The following TMEM222 variants were observed in gnomAD, a reference collection of about 807,000 sequenced individuals.
TMEM222 encodes chromosome 1 open reading frame 160.
Under a neutral mutation model 25.1 loss-of-function variants are expected in TMEM222, and 18 were observed. That is an observed-to-expected ratio of 0.72 (90% CI 0.50 to 1.06). The LOEUF is 1.06. Ranked by LOEUF, TMEM222 falls within the 50% of genes least tolerant of loss-of-function variation. TMEM222 has a pLI of 0.00. For missense variants in TMEM222, 296 were observed against 293.7 expected (o/e 1.01, Z -0.06); for synonymous variants, 131 against 117.9 (o/e 1.11, Z -0.72).
At chr1:27,332,689 C>T (rs1249459864) in intron 3 of TMEM222, 25 of 613,762 alleles carry the variant, frequency 4.1e-5, no homozygotes, top group Non-Finnish European at 5.9e-6. Context: ...TTGCCCAAGG[C>T]TGCACTGGGA....
intron 1 of TMEM222, among the ~76,000 whole-genome samples, chr1:27,328,620 A>G (rs1301853580): frequency 4.6e-5 from 7 of 152,164 alleles, no homozygotes; most frequent in Non-Finnish European, 1.0e-4. Context: ...CAGGACCTCC[A>G]TCATCTCTTG....
chr1:27,323,768 G>A (rs573144058), intron 1 of TMEM222, among the ~76,000 whole-genome samples: 3 of 152,162 alleles, frequency 2.0e-5, no homozygotes, highest in South Asian at 2.1e-4. Flanking sequence ...GTGAAACTCC[G>A]TCTCAAAATA....
At chr1:27,333,935 C>T (rs2148018730) in intron 3 of TMEM222, 23 bp from the exon 4 acceptor site, 1 of 1,608,830 alleles carries the variant, frequency 6.2e-7, no homozygotes, top group South Asian at 1.1e-5. Flanking sequence ...AAGCAAGTGT[C>T]CAGAGCCCTT....
At chr1:27,326,746 T>C (rs1287116619) in intron 1 of TMEM222, among the ~76,000 whole-genome samples, 2 of 152,130 alleles carry the variant, frequency 1.3e-5, no homozygotes, top group Non-Finnish European at 2.9e-5. Context: ...CCTTCCCAGA[T>C]TGAGCTCCAG....
At chr1:27,331,184 G>A (rs2014470617) in intron 2 of TMEM222, 3 of 1,106,034 alleles carry the variant, frequency 2.7e-6, no homozygotes, top group Non-Finnish European at 3.3e-6. Context: ...CGGTTCCCTG[G>A]GTGTGGCCAT....
chr1:27,334,005 C>T lies in TMEM222; in HGVS notation c.359C>T (p.Ala120Val). ...CAGGTCTATGCTAGCGGGCCCAACG[C>T]ATGGGACACGGCTGTGCACGACGCC... is the stretch of plus-strand genomic sequence containing the variant. ...PAQVYASGPN[A>V]WDTAVHDASE... The change falls in exon 4 of 6, where the codon GCA (alanine) becomes GTA (valine). Residue 120 changes from alanine to valine, a missense_variant. Ala to Val is a moderately conservative substitution (Grantham distance 64). Transcript: ENST00000374076. The T allele has an allele frequency of 6.2e-7, 1 of 1,614,154 alleles. No individual in the cohort carries two copies. Among genetic ancestry groups the T allele is most frequent in the Non-Finnish European group, 8.5e-7 (1 of 1,180,028 alleles).
intron 1 of TMEM222, among the ~76,000 whole-genome samples, chr1:27,327,335 G>A (rs1224036093): frequency 6.6e-6 from 1 of 152,140 alleles, no homozygotes; most frequent in Non-Finnish European, 1.5e-5. Context: ...CCTCAACCCA[G>A]ATGATATCTG....
intron 3 of TMEM222, chr1:27,332,381 G>A (rs950314633): frequency 4.2e-6 from 3 of 717,704 alleles, no homozygotes; most frequent in Non-Finnish European, 2.6e-6. Flanking sequence ...AAAGGGAAGG[G>A]ACTTGGTCAA....
chr1:27,332,509 G>A (rs2014505607), intron 3 of TMEM222: 1 of 718,064 alleles, frequency 1.4e-6, no homozygotes. Context: ...GCATTGTTTG[G>A]AGCTCTGCTG....
At chr1:27,328,106 G>A (rs985221168) in intron 1 of TMEM222, among the ~76,000 whole-genome samples, 6 of 152,192 alleles carry the variant, frequency 3.9e-5, no homozygotes, top group Non-Finnish European at 8.8e-5. Flanking sequence ...GGGAAGTAAA[G>A]CATTGTAGTG....
chr1:27,323,527 C>A (rs528132645), intron 1 of TMEM222, among the ~76,000 whole-genome samples: 1 of 152,308 alleles, frequency 6.6e-6, no homozygotes, highest in East Asian at 1.9e-4. Flanking sequence ...TGCCTGTAAT[C>A]CCAGCACTCT....
chr1:27,332,703 G>A, intron 3 of TMEM222: 1 of 598,854 alleles, frequency 1.7e-6, no homozygotes, highest in Non-Finnish European at 3.0e-6. Flanking sequence ...ACTGGGAGGA[G>A]AGACTGGGCC....
Position 27,322,191 on chromosome 1 carries a change from G to C in TMEM222, c.-7G>C. 1 of 1,381,114 alleles carries C rather than the reference G, an allele frequency of 7.2e-7. No homozygotes were observed. The allele number at this position is 1,381,114 out of a possible 1,614,324, so 85.6% of individuals were successfully genotyped here. ...GCCGGGGCCAGTCGGAGCGGGGCGCGCGCCGCATGGCGGAAGCGGAAGGGA... is the reference window on the plus strand; with the variant it reads ...GCCGGGGCCAGTCGGAGCGGGGCGCCCGCCGCATGGCGGAAGCGGAAGGGA... On this transcript the variant is annotated 5_prime_UTR_variant, in exon 1 of 6. Transcript: ENST00000374076.
At chr1:27,322,415 T>G in intron 1 of TMEM222, 24 bp downstream of exon 1, 2 of 1,363,168 alleles carry the variant, frequency 1.5e-6, no homozygotes, top group African/African-American at 3.0e-5. Context: ...GGCATCCGCC[T>G]GGGGACGAGG....
At chr1:27,333,527 G>A in intron 3 of TMEM222, 1 of 454,088 alleles carries the variant, frequency 2.2e-6, no homozygotes. Context: ...GTCTGGTGAG[G>A]GCCTGAGGTG....
In TMEM222 at chr1:27,335,483, C is replaced by T. The variant is rs755032405; in HGVS notation, c.*17C>T. On this transcript the variant is annotated 3_prime_UTR_variant, in exon 6 of 6. Coordinates refer to ENST00000374076, the MANE Select transcript of TMEM222 (RefSeq NM_032125.3). ...CTCCGGTGATGGCTGCTCGGTGGCC[C>T]CACACCCACCAGGGTCCCGAGGAAA... 6.2e-7 allele frequency: 1 copy of T among 1,612,568 alleles called. No homozygotes were observed. Among genetic ancestry groups the T allele is most frequent in the Non-Finnish European group, 8.5e-7 (1 of 1,178,624 alleles).
At position 27,335,696 on chromosome 1, in the gene TMEM222, C is replaced by T. The variant is rs1034752582; in HGVS notation, c.*230C>T. 16 of 574,588 alleles carry T rather than the reference C, an allele frequency of 2.8e-5. No homozygotes were observed. The highest frequency in any genetic ancestry group is 6.2e-5 in the South Asian group (3 of 48,550). The allele number at this position is 574,588 out of a possible 1,614,324, so 35.6% of individuals were successfully genotyped here. On this transcript the variant is annotated 3_prime_UTR_variant, in exon 6 of 6. Transcript: ENST00000374076. ...CCCCTCCTCCCCAGGCCTGTGACTC[C>T]GGCCCTGGAAGCCCCTTTGTTCTTC...
At chr1:27,333,192 A>AAT in intron 3 of TMEM222, 1 of 384,748 alleles carries the variant, frequency 2.6e-6, no homozygotes, top group South Asian at 1.9e-5. Context: ...CCAGCATTCC[A>AAT]TCACCGTGTT....
rs761833046 is a variant in TMEM222, at chr1:27,334,004, G to A, written c.358G>A (p.Ala120Thr). The A allele has an allele frequency of 2.5e-6, 4 of 1,614,012 alleles. No homozygotes were observed. Among genetic ancestry groups the A allele is most frequent in the East Asian group, 2.2e-5 (1 of 44,882 alleles). The stretch of plus-strand genomic sequence containing the variant: ...TCAGGTCTATGCTAGCGGGCCCAAC[G>A]CATGGGACACGGCTGTGCACGACGC... The part of the protein sequence containing the change: ...PAQVYASGPN[A>T]WDTAVHDASE... Residue 120 changes from alanine (A) to threonine (T), a missense_variant, in exon 4 of 6, where the codon GCA becomes ACA. By Grantham distance (58) the Ala-to-Thr change is moderately conservative. Transcript: ENST00000374076.
Sources: allele counts gnomAD v4.1 joint callset (sites outside exome capture counted in the v4.1 genomes callset), GRCh38; gene constraint gnomAD v4.1.1; transcripts MANE v1.5; gene names NCBI Gene and HGNC (gene_info 2026-07-23, HGNC 2026-07-21).